Variants in SH3GL2 observed in about 807,000 individuals in gnomAD.
The protein encoded by SH3GL2 is SH3 domain containing GRB2 like 2, endophilin A1, also known as endophilin-A1.
A neutral mutation model predicts 46.0 loss-of-function variants in SH3GL2; 24 were observed. The observed-to-expected ratio is 0.52, with a 90% CI of 0.38 to 0.73. The LOEUF is 0.73. SH3GL2 is among the 30% of genes least tolerant of loss of function. The pLI is 0.00. For synonymous variants in SH3GL2, 196 were observed against 147.1 expected, an observed-to-expected ratio of 1.33 and a Z score of -2.40; for missense variants, 413 against 424.2, an observed-to-expected ratio of 0.97 and a Z score of 0.23.
Position 17,687,939 on chromosome 9 carries a change from G to C in SH3GL2, c.46-59127G>C, listed in dbSNP as rs147028045. Among the ~76,000 whole-genome samples, 404 of 152,202 alleles carry C rather than the reference G, an allele frequency of 2.7e-3. 2 individuals are homozygous for C. Among genetic ancestry groups the C allele is most frequent in the African/African-American group, 7.7e-3 (319 of 41,544 alleles). ...GTTATGTAACAAAATTCATTTAAGA[G>C]ATGCCTGACAGTATGTTTCTGTAAT... On this transcript the variant is annotated intron_variant, in intron 1 of 8. Coordinates refer to ENST00000380607, the MANE Select transcript of SH3GL2 (RefSeq NM_003026.5).
At chr9:17,603,157 T>A (rs1818700226) in intron 1 of SH3GL2, among the ~76,000 whole-genome samples, 1 of 152,224 alleles carries the variant, frequency 6.6e-6, no homozygotes, top group Non-Finnish European at 1.5e-5. Flanking sequence ...TATCCTGATA[T>A]GTTAAAATAT....
At chr9:17,643,734 T>G (rs2134649126) in intron 1 of SH3GL2, among the ~76,000 whole-genome samples, 1 of 152,286 alleles carries the variant, frequency 6.6e-6, no homozygotes, top group Admixed American at 6.5e-5. Context: ...ATTCGGTTTG[T>G]CAGTATTTTA....
intron 1 of SH3GL2, among the ~76,000 whole-genome samples, chr9:17,642,268 C>G (rs898944823): frequency 1.3e-5 from 2 of 152,106 alleles, no homozygotes; most frequent in African/African-American, 4.8e-5. Flanking sequence ...AGCCCTTTGT[C>G]AGATGGATAG....
intron 1 of SH3GL2, among the ~76,000 whole-genome samples, chr9:17,608,653 G>A (rs530274771): frequency 6.6e-6 from 1 of 152,144 alleles, no homozygotes; most frequent in African/African-American, 2.4e-5. Flanking sequence ...CCTGAGATTT[G>A]AGAGTTGCAG....
Position 17,795,841 on chromosome 9 carries a change from G to A in SH3GL2, c.*98G>A, listed in dbSNP as rs1824260449. 6.2e-6 allele frequency: 6 copies of A among 967,290 alleles called. No homozygotes were observed. The highest frequency in any genetic ancestry group is 6.3e-6 in the Non-Finnish European group (4 of 639,134). The allele number at this position is 967,290 out of a possible 1,614,324, so 59.9% of individuals were successfully genotyped here. On this transcript the variant is annotated 3_prime_UTR_variant, in exon 9 of 9. Coordinates refer to ENST00000380607, the MANE Select transcript of SH3GL2 (RefSeq NM_003026.5). Reference sequence around the variant, plus strand: ...TTATAACACATCCCAAGTGCAGGCCGCAGTGGTCCACGTCATCCAGCCCCA... The same window carrying A: ...TTATAACACATCCCAAGTGCAGGCCACAGTGGTCCACGTCATCCAGCCCCA...
At chr9:17,626,182 T>C (rs6475157) in intron 1 of SH3GL2, among the ~76,000 whole-genome samples, 25,115 of 152,194 alleles carry the variant, frequency 0.17, 2,161 homozygotes, top group Middle Eastern at 0.23. Context: ...GGTGTGGGTC[T>C]GGGACGGGTC....
chr9:17,667,797 C>T (rs947687950), intron 1 of SH3GL2, among the ~76,000 whole-genome samples: 7 of 152,284 alleles, frequency 4.6e-5, no homozygotes, highest in East Asian at 1.9e-4. Context: ...TCCATTTCTC[C>T]ACATCTCTAC....
chr9:17,639,371 A>T (rs1282146290), intron 1 of SH3GL2, among the ~76,000 whole-genome samples: 1 of 152,230 alleles, frequency 6.6e-6, no homozygotes, highest in African/African-American at 2.4e-5. Context: ...AGACAACCCA[A>T]TAAAAATATA....
intron 2 of SH3GL2, among the ~76,000 whole-genome samples, chr9:17,756,426 T>C (rs1822990176): frequency 6.6e-6 from 1 of 151,542 alleles, no homozygotes; most frequent in African/African-American, 2.4e-5. Context: ...GCTGCACCCA[T>C]TAACTCGTCA....
intron 1 of SH3GL2, among the ~76,000 whole-genome samples, chr9:17,712,905 C>G (rs896100094): frequency 3.2e-5 from 4 of 126,662 alleles, no homozygotes; most frequent in Non-Finnish European, 4.7e-5. Flanking sequence ...TTACAATGTC[C>G]AATAGAAATA....
At position 17,787,532 on chromosome 9, in the gene SH3GL2, C is replaced by A. The variant is rs1217527734; in HGVS notation, c.465+19C>A. 1 of 1,605,940 alleles carries A rather than the reference C, an allele frequency of 6.2e-7. No homozygotes were observed. The highest frequency in any genetic ancestry group is 8.5e-7 in the Non-Finnish European group (1 of 1,174,494). On this transcript the variant is annotated intron_variant, in intron 5 of 8. Coordinates refer to ENST00000380607, the MANE Select transcript of SH3GL2 (RefSeq NM_003026.5). Reference sequence around the variant, plus strand: ...AATTCAAGTATGTACAATGAGTCTTCTGGAAAGTGGGCAGTTGAAATCATA... The same window carrying A: ...AATTCAAGTATGTACAATGAGTCTTATGGAAAGTGGGCAGTTGAAATCATA...
intron 1 of SH3GL2, among the ~76,000 whole-genome samples, chr9:17,680,060 T>A (rs1027355566): frequency 1.1e-4 from 16 of 152,206 alleles, no homozygotes; most frequent in Non-Finnish European, 1.9e-4. Flanking sequence ...TTTGCATCGA[T>A]GTTCATCAGG....
intron 1 of SH3GL2, among the ~76,000 whole-genome samples, chr9:17,620,240 G>A (rs1178763067): frequency 6.6e-6 from 1 of 152,140 alleles, no homozygotes; most frequent in Non-Finnish European, 1.5e-5. Flanking sequence ...TATGTGATCA[G>A]TATATGCCTA....
chr9:17,703,361 T>G (rs1176773485), intron 1 of SH3GL2, among the ~76,000 whole-genome samples: 1 of 152,034 alleles, frequency 6.6e-6, no homozygotes, highest in Non-Finnish European at 1.5e-5. Flanking sequence ...AATCACAAGT[T>G]TGAATATTAA....
At chr9:17,668,213 T>TA (rs1820391124) in intron 1 of SH3GL2, among the ~76,000 whole-genome samples, 1 of 152,262 alleles carries the variant, frequency 6.6e-6, no homozygotes, top group South Asian at 2.1e-4. Context: ...TTACAAAGAC[T>TA]AATGACGATG....
At chr9:17,641,188 A>G (rs1456096265) in intron 1 of SH3GL2, among the ~76,000 whole-genome samples, 1 of 152,140 alleles carries the variant, frequency 6.6e-6, no homozygotes, top group Non-Finnish European at 1.5e-5. Flanking sequence ...ATTATAGTTT[A>G]GGCTTCTATC....
chr9:17,637,615 C>G (rs530206375), intron 1 of SH3GL2, among the ~76,000 whole-genome samples: 19 of 152,308 alleles, frequency 1.2e-4, no homozygotes, highest in Admixed American at 1.2e-3. Context: ...TGGTTTGAAT[C>G]CTGTTTCTTT....
intron 1 of SH3GL2, among the ~76,000 whole-genome samples, chr9:17,625,046 A>T (rs1443083558): frequency 6.6e-6 from 1 of 152,152 alleles, no homozygotes. Context: ...GGCCTGACAG[A>T]TTGTGTCCCT....
chr9:17,641,408 A>G (rs1819678401), intron 1 of SH3GL2, among the ~76,000 whole-genome samples: 1 of 152,192 alleles, frequency 6.6e-6, no homozygotes, highest in Admixed American at 6.5e-5. Context: ...ATATTTGTCC[A>G]TGCTAAAACA....
Sources: allele counts gnomAD v4.1 joint callset (sites outside exome capture counted in the v4.1 genomes callset), GRCh38; gene constraint gnomAD v4.1.1; transcripts MANE v1.5; gene names NCBI Gene and HGNC (gene_info 2026-07-23, HGNC 2026-07-21).